Variants in FRAS1 observed in about 807,000 individuals in gnomAD.
The protein encoded by FRAS1 is extracellular matrix organizing protein FRAS1.
Under a neutral mutation model 435.2 loss-of-function variants are expected in FRAS1, and 290 were observed. That is an observed-to-expected ratio of 0.67 (90% CI 0.61 to 0.73). The LOEUF (loss-of-function observed/expected upper bound fraction) is 0.73. Ranked by LOEUF, FRAS1 falls within the 30% of genes least tolerant of loss-of-function variation. FRAS1 has a pLI of 0.00. For missense variants in FRAS1, 4,860 were observed against 5,001.5 expected (o/e 0.97, Z 0.85); for synonymous variants, 1,800 against 1,851.0 (o/e 0.97, Z 0.71).
chr4:78,450,643 G>A (rs1718991717), intron 45 of FRAS1, among the ~76,000 whole-genome samples: 1 of 151,830 alleles, frequency 6.6e-6, no homozygotes, highest in South Asian at 2.1e-4. Context: ...AGAGAGAGAA[G>A]GAAAAAAGAA....
intron 2 of FRAS1, among the ~76,000 whole-genome samples, chr4:78,218,931 A>G (rs777678530): frequency 2.0e-5 from 3 of 152,212 alleles, no homozygotes; most frequent in Non-Finnish European, 2.9e-5. Context: ...TCAATTCACA[A>G]AAGATGACCT....
At chr4:78,182,744 G>A (rs186445717) in intron 2 of FRAS1, among the ~76,000 whole-genome samples, 1 of 152,132 alleles carries the variant, frequency 6.6e-6, no homozygotes, top group Admixed American at 6.5e-5. Flanking sequence ...GCTGGACATG[G>A]TGGCACGTGC....
intron 2 of FRAS1, among the ~76,000 whole-genome samples, chr4:78,178,676 T>C (rs1721875247): frequency 6.6e-6 from 1 of 152,162 alleles, no homozygotes; most frequent in Admixed American, 6.5e-5. Flanking sequence ...TGTCATATGC[T>C]TGAGAGCCCT....
intron 44 of FRAS1, among the ~76,000 whole-genome samples, chr4:78,449,578 A>C (rs1718956703): frequency 6.6e-6 from 1 of 152,170 alleles, no homozygotes; most frequent in African/African-American, 2.4e-5. Flanking sequence ...TGAGAAGAGG[A>C]GTTTGCCATT....
intron 2 of FRAS1, among the ~76,000 whole-genome samples, chr4:78,103,608 G>A (rs910192854): frequency 6.6e-6 from 1 of 152,144 alleles, no homozygotes; most frequent in Non-Finnish European, 1.5e-5. Context: ...AGAAAACAGG[G>A]TCTATGGGAT....
Position 78,521,501 on chromosome 4 carries a change from TTCTC to T in FRAS1, c.10541-18_10541-15del, listed in dbSNP as rs1205013537. The T allele has an allele frequency of 5.0e-6, 8 of 1,586,418 alleles. No homozygotes were observed. In the Admixed American group the frequency reaches 1.0e-4, roughly 20 times the overall value. ...GAGGAATTTTCCATGCCCTAGCATT[TTCTC>T]TCTGCTTTCCTGCCCAGGAATCCAG... On this transcript the variant is annotated intron_variant, in intron 67 of 73. Transcript: ENST00000512123.
chr4:78,161,008 GGTGCCTGTA>G (rs1208714885), intron 2 of FRAS1, among the ~76,000 whole-genome samples: 2 of 151,970 alleles, frequency 1.3e-5, no homozygotes, highest in Non-Finnish European at 1.5e-5. Context: ...CATGGTGGCA[GGTGCCTGTA>G]ATCCCAGCTA....
chr4:78,161,871 T>C (rs766141425), intron 2 of FRAS1, among the ~76,000 whole-genome samples: 284 of 151,954 alleles, frequency 1.9e-3, no homozygotes, highest in Non-Finnish European at 3.3e-3. Context: ...GAGACTTCTC[T>C]TCGCCATCCA....
chr4:78,065,081 T>TATATATACACACACACACAC (rs762909923), intron 1 of FRAS1, among the ~76,000 whole-genome samples: 1 of 125,692 alleles, frequency 8.0e-6, no homozygotes, highest in Non-Finnish European at 1.7e-5. Context: ...TATATATATA[T>TATATATACACACACACACAC]ATACATACAC....
intron 68 of FRAS1, 37 bp from the exon 69 acceptor site, chr4:78,522,612 C>A (rs773731535): frequency 5.2e-6 from 8 of 1,543,194 alleles, no homozygotes; most frequent in Non-Finnish European, 7.0e-6. Flanking sequence ...AGCTCTACCA[C>A]AAGTACATTA....
At chr4:78,489,968 C>CAAAAAAAAAAAAAAAAAAAAAAAAAAAAA (rs61568957) in intron 59 of FRAS1, among the ~76,000 whole-genome samples, 6 of 92,610 alleles carry the variant, frequency 6.5e-5, no homozygotes, top group Non-Finnish European at 1.2e-4. Flanking sequence ...TAGTGGAAAA[C>CAAAAAAAAAAAAAAAAAAAAAAAAAAAAA]AAAAAAAAAA....
intron 4 of FRAS1, among the ~76,000 whole-genome samples, chr4:78,246,584 A>G (rs1433765061): frequency 1.3e-5 from 2 of 152,220 alleles, no homozygotes; most frequent in African/African-American, 2.4e-5. Flanking sequence ...GAAAATCCCT[A>G]TGAACTGAAA....
At chr4:78,258,792 G>C (rs1345372956) in intron 6 of FRAS1, among the ~76,000 whole-genome samples, 2 of 143,000 alleles carry the variant, frequency 1.4e-5, no homozygotes, top group East Asian at 2.0e-4. Context: ...TGCCATGCTG[G>C]TGCGCTGCAC....
intron 2 of FRAS1, among the ~76,000 whole-genome samples, chr4:78,100,462 G>A (rs1445097493): frequency 1.3e-5 from 2 of 152,192 alleles, no homozygotes; most frequent in African/African-American, 4.8e-5. Flanking sequence ...CTCTCTCTGG[G>A]AAAACACTGA....
At chr4:78,232,767 T>C (rs1724572273) in intron 2 of FRAS1, among the ~76,000 whole-genome samples, 1 of 152,212 alleles carries the variant, frequency 6.6e-6, no homozygotes, top group African/African-American at 2.4e-5. Context: ...TATGAATAGA[T>C]ATTTTTGTGT....
intron 58 of FRAS1, among the ~76,000 whole-genome samples, chr4:78,485,031 C>T (rs979187471): frequency 6.6e-6 from 1 of 152,170 alleles, no homozygotes; most frequent in South Asian, 2.1e-4. Flanking sequence ...ATTAATTTCC[C>T]TCTGATGAAG....
intron 9 of FRAS1, among the ~76,000 whole-genome samples, chr4:78,277,957 A>G (rs7681247): frequency 0.3 from 46,176 of 151,412 alleles, 7,373 homozygotes; most frequent in East Asian, 0.38. Context: ...GACTACAGGC[A>G]CCCTCCACTG....
At chr4:78,464,194 A>G (rs558596943) in intron 48 of FRAS1, 49 bp downstream of exon 48, 338 of 1,573,934 alleles carry the variant, frequency 2.1e-4, no homozygotes, top group Non-Finnish European at 2.5e-4. Context: ...ATTCCTCGCC[A>G]TCTTCTTTGA....
intron 29 of FRAS1, among the ~76,000 whole-genome samples, chr4:78,396,575 G>A (rs1732676973): frequency 6.6e-6 from 1 of 152,112 alleles, no homozygotes; most frequent in South Asian, 2.1e-4. Flanking sequence ...AAAACAACAA[G>A]GTTTCTGCTG....
Sources: gnomAD v4.1 joint callset for allele counts (sites outside exome capture counted in the v4.1 genomes callset) on GRCh38, gnomAD v4.1.1 for gene constraint, MANE v1.5 for transcripts, NCBI Gene and HGNC (gene_info 2026-07-23, HGNC 2026-07-21) for gene names.